SLC14A2: variants seen among roughly 807,000 people sequenced by gnomAD.
The protein encoded by SLC14A2 is urea transporter 2.
SLC14A2 carries 91 observed loss-of-function variants against 104.6 expected under a neutral mutation model. The observed-to-expected ratio is 0.87, with a 90% CI of 0.73 to 1.04. SLC14A2 has a LOEUF of 1.04. Ranked by LOEUF, SLC14A2 falls within the 50% of genes least tolerant of loss-of-function variation. The probability of loss-of-function intolerance (pLI) is 0.00; values close to 1 mark genes in which losing one functional copy is unlikely to be tolerated. For synonymous variants in SLC14A2, 476 were observed against 466.4 expected, an observed-to-expected ratio of 1.02 and a Z score of -0.27; for missense variants, 1,189 against 1,156.0, an observed-to-expected ratio of 1.03 and a Z score of -0.41.
chr18:45,430,485 A>AG (rs1319188028), intron 1 of SLC14A2, among the ~76,000 whole-genome samples: 4 of 152,204 alleles, frequency 2.6e-5, no homozygotes, highest in Admixed American at 2.0e-4. Flanking sequence ...ATTTCAGAAA[A>AG]GGGAGAGATC....
chr18:45,274,891 AAC>A (rs1334285582), intron 1 of SLC14A2, among the ~76,000 whole-genome samples: 4 of 152,214 alleles, frequency 2.6e-5, no homozygotes, highest in Non-Finnish European at 5.9e-5. Flanking sequence ...GCTCTTCCAG[AAC>A]AGTTTTTCTA....
intron 2 of SLC14A2, among the ~76,000 whole-genome samples, chr18:45,525,431 C>G (rs1484827441): frequency 1.3e-5 from 2 of 152,162 alleles, no homozygotes; most frequent in African/African-American, 4.8e-5. Context: ...TGAAGAATGT[C>G]TCCTACCACT....
intron 2 of SLC14A2, among the ~76,000 whole-genome samples, chr18:45,572,897 G>A (rs1374979006): frequency 1.3e-5 from 2 of 152,140 alleles, no homozygotes; most frequent in Non-Finnish European, 2.9e-5. Flanking sequence ...ATTCTATAAG[G>A]ATGAGTACGT....
intron 2 of SLC14A2, among the ~76,000 whole-genome samples, chr18:45,497,012 G>A (rs1457736171): frequency 6.6e-6 from 1 of 152,150 alleles, no homozygotes; most frequent in African/African-American, 2.4e-5. Context: ...TTCTGACTCA[G>A]ACTGAGCCAC....
At chr18:45,545,010 T>C (rs958961304) in intron 2 of SLC14A2, among the ~76,000 whole-genome samples, 3 of 152,090 alleles carry the variant, frequency 2.0e-5, no homozygotes, top group African/African-American at 7.2e-5. Flanking sequence ...GTCAGGCTGG[T>C]CTCGAACTCC....
intron 1 of SLC14A2, among the ~76,000 whole-genome samples, chr18:45,618,653 G>T (rs559267228): frequency 9.2e-6 from 1 of 108,538 alleles, no homozygotes; most frequent in South Asian, 3.2e-4. Flanking sequence ...TGGGTGACAA[G>T]AGCGAAACTC....
intron 2 of SLC14A2, among the ~76,000 whole-genome samples, chr18:45,509,107 A>G (rs1191564946): frequency 6.6e-6 from 1 of 152,154 alleles, no homozygotes. Context: ...GAAGAGTCCA[A>G]GAAGTAGAAG....
chr18:45,370,834 A>T (rs1312852945), intron 1 of SLC14A2, among the ~76,000 whole-genome samples: 2 of 152,226 alleles, frequency 1.3e-5, no homozygotes, highest in African/African-American at 4.8e-5. Flanking sequence ...AAACGGTCCA[A>T]GACCTCATCA....
Position 45,673,004 on chromosome 18 carries a change from T to C in SLC14A2, c.2334T>C (p.Ile778=), listed in dbSNP as rs1301919247. The change falls in exon 17 of 20, where the codon ATT becomes ATC. Residue 778 remains isoleucine, a synonymous_variant. Transcript: ENST00000255226. ...LIALFISSPL[I]CLHAAIGSTM... is the part of the protein sequence containing the mutation. Reference sequence around the variant, plus strand: ...CTCTGTTCATATCCTCACCTCTCATTTGCTTGCATGCAGCAATTGGATCCA... The same window carrying C: ...CTCTGTTCATATCCTCACCTCTCATCTGCTTGCATGCAGCAATTGGATCCA... 6.2e-7 allele frequency: 1 copy of C among 1,614,048 alleles called. No individual in the cohort carries two copies. Among genetic ancestry groups the C allele is most frequent in the Non-Finnish European group, 8.5e-7 (1 of 1,180,022 alleles).
chr18:45,455,113 A>G (rs2086920649), intron 1 of SLC14A2, among the ~76,000 whole-genome samples: 1 of 152,188 alleles, frequency 6.6e-6, no homozygotes, highest in East Asian at 1.9e-4. Context: ...CATTTTCACA[A>G]TATTGATTTG....
intron 2 of SLC14A2, among the ~76,000 whole-genome samples, chr18:45,542,064 T>G (rs1015764352): frequency 2.3e-4 from 32 of 140,820 alleles, no homozygotes; most frequent in Admixed American, 1.1e-3. Context: ...TTTTTTTTTT[T>G]TTTTTTTTGC....
chr18:45,431,719 C>T (rs1401978460), intron 1 of SLC14A2, among the ~76,000 whole-genome samples: 3 of 152,156 alleles, frequency 2.0e-5, no homozygotes, highest in Non-Finnish European at 2.9e-5. Context: ...CAAGCAGTGC[C>T]CACAGGTCAG....
chr18:45,674,767 T>C (rs1045806700), intron 18 of SLC14A2, among the ~76,000 whole-genome samples: 1 of 152,192 alleles, frequency 6.6e-6, no homozygotes, highest in Non-Finnish European at 1.5e-5. Context: ...GGAAAAGTTG[T>C]GTCAAAGAGC....
chr18:45,263,495 C>A (rs2084560476), intron 1 of SLC14A2, among the ~76,000 whole-genome samples: 1 of 152,092 alleles, frequency 6.6e-6, no homozygotes, highest in Non-Finnish European at 1.5e-5. Context: ...ATACAAATAT[C>A]CTGTTTCTGT....
At chr18:45,579,828 G>C (rs1344708020) in intron 2 of SLC14A2, among the ~76,000 whole-genome samples, 2 of 152,210 alleles carry the variant, frequency 1.3e-5, no homozygotes, top group Non-Finnish European at 2.9e-5. Context: ...TTACTTGGGG[G>C]TGTTGGGAAA....
At chr18:45,582,052 G>A (rs1409269178) in intron 2 of SLC14A2, among the ~76,000 whole-genome samples, 1 of 152,192 alleles carries the variant, frequency 6.6e-6, no homozygotes, top group Non-Finnish European at 1.5e-5. Flanking sequence ...CTGGAGAGTG[G>A]CCTGAACAAT....
chr18:45,381,324 A>G (rs2085832342), intron 1 of SLC14A2, among the ~76,000 whole-genome samples: 1 of 152,226 alleles, frequency 6.6e-6, no homozygotes, highest in Non-Finnish European at 1.5e-5. Flanking sequence ...TTAAAACATC[A>G]TGGGATATTA....
chr18:45,289,388 G>T (rs1442918225), intron 1 of SLC14A2, among the ~76,000 whole-genome samples: 4 of 151,966 alleles, frequency 2.6e-5, no homozygotes, highest in African/African-American at 9.7e-5. Flanking sequence ...GTCCCCTTGA[G>T]GCTGGAATTT....
intron 1 of SLC14A2, among the ~76,000 whole-genome samples, chr18:45,239,562 GC>G: frequency 6.6e-6 from 1 of 152,332 alleles, no homozygotes; most frequent in East Asian, 1.9e-4. Context: ...TGAAAATCAT[GC>G]CCATCAGGGC....
Sources: gnomAD v4.1 joint callset for allele counts (sites outside exome capture counted in the v4.1 genomes callset) on GRCh38, gnomAD v4.1.1 for gene constraint, MANE v1.5 for transcripts, NCBI Gene and HGNC (gene_info 2026-07-23, HGNC 2026-07-21) for gene names.